Variants in SEMA3D observed in about 807,000 individuals in gnomAD.
SEMA3D encodes the protein semaphorin 3D, also known as semaphorin-3D.
A neutral mutation model predicts 100.1 loss-of-function variants in SEMA3D; 84 were observed. The ratio of observed to expected loss-of-function variants is 0.84; its 90% confidence interval spans 0.70 to 1.01. The LOEUF (loss-of-function observed/expected upper bound fraction) is 1.01. SEMA3D is among the 50% of genes least tolerant of loss of function. The pLI is 0.00. For synonymous variants in SEMA3D, 312 were observed against 320.7 expected (o/e 0.97, Z 0.29); for missense variants, 875 against 934.1 (o/e 0.94, Z 0.82).
the SEMA3D span, among the ~76,000 whole-genome samples, chr7:85,241,467 G>GTGTATATATATA: frequency 1.0e-3 from 93 of 91,932 alleles, 5 homozygotes; most frequent in East Asian, 0.03. Flanking sequence ...CTGTGTGTGT[G>GTGTATATATATA]TATATATATA....
intron 1 of SEMA3D, among the ~76,000 whole-genome samples, chr7:85,155,306 C>A (rs569721314): frequency 5.9e-5 from 9 of 152,216 alleles, no homozygotes; most frequent in Admixed American, 1.3e-4. Context: ...ATATATATTG[C>A]TAAGAGATAA....
At chr7:85,210,776 G>T in the SEMA3D span, among the ~76,000 whole-genome samples, 1 of 151,924 alleles carries the variant, frequency 6.6e-6, no homozygotes, top group African/African-American at 2.4e-5. Flanking sequence ...AATTATTATT[G>T]TCTAATTTGT....
the SEMA3D span, among the ~76,000 whole-genome samples, chr7:85,208,553 T>C: frequency 2.6e-5 from 4 of 152,114 alleles, no homozygotes; most frequent in East Asian, 1.9e-4. Context: ...AAATTTTGAT[T>C]TTGCTACCTG....
intron 2 of SEMA3D, among the ~76,000 whole-genome samples, chr7:85,135,704 G>A (rs1789844968): frequency 6.9e-6 from 1 of 145,262 alleles, no homozygotes; most frequent in African/African-American, 2.5e-5. Flanking sequence ...GAAAAAATTA[G>A]AAAAAATTAA....
chr7:85,179,209 C>T (rs756466545), intron 1 of SEMA3D, among the ~76,000 whole-genome samples: 9 of 152,140 alleles, frequency 5.9e-5, no homozygotes, highest in Non-Finnish European at 1.0e-4. Flanking sequence ...TGTAGGGGCA[C>T]TGCATAGTGG....
chr7:85,139,315 A>G (rs1181434014), intron 2 of SEMA3D, among the ~76,000 whole-genome samples: 1 of 152,154 alleles, frequency 6.6e-6, no homozygotes, highest in Non-Finnish European at 1.5e-5. Context: ...CTAATATGTC[A>G]ATAAAGTAAG....
chr7:85,194,983 T>C, the SEMA3D span, among the ~76,000 whole-genome samples: 1 of 152,184 alleles, frequency 6.6e-6, no homozygotes, highest in African/African-American at 2.4e-5. Context: ...TACAGTCACA[T>C]TTTGAGGTGC....
rs752922884 is a variant in SEMA3D, at chr7:85,147,092, C to CTTTTTTTTTTTTTTTTTT, written c.-41+6498_-41+6515dup. Among the ~76,000 whole-genome samples, 38 of 48,154 alleles carry CTTTTTTTTTTTTTTTTTT rather than the reference C, an allele frequency of 7.9e-4. 4 individuals are homozygous for CTTTTTTTTTTTTTTTTTT. The highest frequency in any genetic ancestry group is 9.7e-4 in the African/African-American group (10 of 10,288). The allele number at this position is 48,154 out of a possible 152,430, so 31.6% of individuals were successfully genotyped here. ...TCTTTCTTTCTTTTCTTTTTCTTTT[C>CTTTTTTTTTTTTTTTTTT]TTTTTTTTTTTTTTTTTTTTTTTTT... On this transcript the variant is annotated intron_variant, in intron 2 of 18. Transcript: ENST00000284136.
At chr7:85,026,861 G>T (rs938348063) in intron 12 of SEMA3D, among the ~76,000 whole-genome samples, 1 of 151,946 alleles carries the variant, frequency 6.6e-6, no homozygotes, top group Non-Finnish European at 1.5e-5. Flanking sequence ...GAGAAAACAG[G>T]GTAGCTAAAA....
At chr7:85,006,698 T>TA (rs927027378) in intron 18 of SEMA3D, 104 bp downstream of exon 18, 1 of 922,606 alleles carries the variant, frequency 1.1e-6, no homozygotes, top group African/African-American at 1.7e-5. Context: ...TTATTTTTTT[T>TA]AATCAAATAA....
chr7:85,167,468 T>G (rs951503562), intron 1 of SEMA3D: 1 of 717,434 alleles, frequency 1.4e-6, no homozygotes, highest in Non-Finnish European at 1.7e-6. Flanking sequence ...GTTGGACGTC[T>G]ATTTGTGGTA....
At chr7:85,091,836 C>T (rs1027432957) in intron 4 of SEMA3D, among the ~76,000 whole-genome samples, 4 of 151,984 alleles carry the variant, frequency 2.6e-5, no homozygotes, top group Admixed American at 1.3e-4. Context: ...GCCACCTTTC[C>T]GAAGGACTAT....
At chr7:85,181,349 C>CACAA (rs1284274255) in intron 1 of SEMA3D, among the ~76,000 whole-genome samples, 4 of 144,626 alleles carry the variant, frequency 2.8e-5, no homozygotes, top group African/African-American at 5.3e-5. Context: ...CACACACACA[C>CACAA]ACACACACAC....
the SEMA3D span, among the ~76,000 whole-genome samples, chr7:85,231,206 C>A: frequency 6.6e-6 from 1 of 152,082 alleles, no homozygotes; most frequent in African/African-American, 2.4e-5. Context: ...TCTATCCAAC[C>A]CTTTTACTAT....
intron 2 of SEMA3D, among the ~76,000 whole-genome samples, chr7:85,153,041 T>C (rs1249039144): frequency 6.6e-6 from 1 of 152,136 alleles, no homozygotes; most frequent in African/African-American, 2.4e-5. Flanking sequence ...CATCCCTTGA[T>C]ACACACCAAA....
chr7:85,022,434 G>C lies in SEMA3D; in HGVS notation c.1371C>G (p.Val457=), dbSNP rs770915749. The C allele has an allele frequency of 1.9e-6, 3 of 1,612,330 alleles. No homozygotes were observed. In the South Asian group the frequency reaches 3.3e-5, roughly 18 times the overall value. Residue 457 remains valine (V), a synonymous_variant, in exon 13 of 19, where the codon GTC becomes GTG. Coordinates refer to ENST00000284136, the MANE Select transcript of SEMA3D (RefSeq NM_001384900.1). ...YRLTQIVVDH[V]IAEDGQYDVM... is the part of the protein sequence containing the mutation. The stretch of plus-strand genomic sequence containing the variant: ...CATCGTACTGGCCATCTTCTGCAAT[G>C]ACATGATCCACCACTATCTGTGTCA...
At chr7:85,062,301 T>C (rs1376434822) in intron 8 of SEMA3D, among the ~76,000 whole-genome samples, 1 of 152,164 alleles carries the variant, frequency 6.6e-6, no homozygotes, top group Admixed American at 6.6e-5. Flanking sequence ...AAAATAATTT[T>C]GAATGGGAAG....
chr7:85,077,374 G>T (rs748987086), intron 5 of SEMA3D, among the ~76,000 whole-genome samples: 53 of 151,642 alleles, frequency 3.5e-4, no homozygotes, highest in Non-Finnish European at 7.4e-5. Flanking sequence ...GGAACACAAG[G>T]TATTATACTG....
At chr7:85,037,093 G>A in intron 11 of SEMA3D, 60 bp from the exon 12 acceptor site, 1 of 1,536,412 alleles carries the variant, frequency 6.5e-7, no homozygotes, top group Non-Finnish European at 8.9e-7. Context: ...AACATTGACT[G>A]AGCACATACT....
Sources: gnomAD v4.1 joint callset for allele counts (sites outside exome capture counted in the v4.1 genomes callset) on GRCh38, gnomAD v4.1.1 for gene constraint, MANE v1.5 for transcripts, NCBI Gene and HGNC (gene_info 2026-07-23, HGNC 2026-07-21) for gene names.